LRBA: variants seen among roughly 807,000 people sequenced by gnomAD.
LRBA encodes LPS responsive beige-like anchor protein, also known as lipopolysaccharide-responsive and beige-like anchor protein.
In LRBA, 176 loss-of-function variants were observed where a neutral mutation model predicts 330.0. The ratio of observed to expected loss-of-function variants is 0.53; its 90% CI spans 0.47 to 0.60. The LOEUF is 0.60. Ranked by LOEUF, LRBA falls within the 20% of genes least tolerant of loss-of-function variation. The probability of loss-of-function intolerance (pLI) is 0.00; values close to 1 mark genes in which losing one functional copy is unlikely to be tolerated. For synonymous variants in LRBA, 1,230 were observed against 1,193.0 expected (o/e 1.03, Z -0.64); for missense variants, 3,259 against 3,444.8 (o/e 0.95, Z 1.35).
In LRBA at chr4:150,307,399, A is replaced by C. The variant is rs144497856; in HGVS notation, c.7849+2830T>G. Among the ~76,000 whole-genome samples, 1,253 of 152,212 alleles carry C rather than the reference A, an allele frequency of 8.2e-3. 15 individuals are homozygous for C. The highest frequency in any genetic ancestry group is 0.029 in the African/African-American group (1,191 of 41,534). ...AAAAAGAGTGGTTTACAGTTCTATT[A>C]GTTCTATATTACAGTGTAAAATTCA... On this transcript the variant is annotated intron_variant, in intron 52 of 56. Transcript: ENST00000651943.
At chr4:150,996,645 C>A (rs983424298) in intron 2 of LRBA, among the ~76,000 whole-genome samples, 3 of 152,162 alleles carry the variant, frequency 2.0e-5, no homozygotes, top group African/African-American at 4.8e-5. Context: ...AATTCATTTT[C>A]TCAAAGCTTA....
At position 150,739,984 on chromosome 4, in the gene LRBA, T is replaced by C. The variant is rs1000680224; in HGVS notation, c.5646-4618A>G. 2.0e-5 allele frequency among the ~76,000 whole-genome samples: 3 copies of C among 152,124 alleles called. No individual in the cohort carries two copies. In the East Asian group the frequency reaches 5.8e-4, roughly 29 times the overall value. On this transcript the variant is annotated intron_variant, in intron 35 of 56. Coordinates refer to ENST00000651943, the MANE Select transcript of LRBA (RefSeq NM_001364905.1). ...CCTAGGATTCCTGACCAAGAAAAAT[T>C]GAGATAACAAATGTATGTTTCTTTA...
In LRBA at chr4:150,908,427, A is replaced by G. The variant is rs776005355; in HGVS notation, c.1400T>C (p.Met467Thr). 1.2e-6 allele frequency: 2 copies of G among 1,608,554 alleles called. No individual in the cohort carries two copies. Among genetic ancestry groups the G allele is most frequent in the South Asian group, 1.1e-5 (1 of 89,120 alleles). ...TACTTGTACTCCTCCAATTGAATGCATTGCACTTTGGATGGAATGTGTTAA... is the reference window on the plus strand; with the variant it reads ...TACTTGTACTCCTCCAATTGAATGCGTTGCACTTTGGATGGAATGTGTTAA... ...AVLTHSIQSA[M>T]HSIGGVQVLF... The change falls in exon 11 of 57, where the codon ATG becomes ACG. Residue 467 changes from methionine (M) to threonine (T), a missense_variant. Transcript: ENST00000651943.
chr4:150,744,661 T>C (rs945525518), intron 35 of LRBA, among the ~76,000 whole-genome samples: 1 of 152,162 alleles, frequency 6.6e-6, no homozygotes, highest in Non-Finnish European at 1.5e-5. Flanking sequence ...TTTCATTATA[T>C]TTTAGTTGGG....
chr4:150,699,154 CGAGAAA>C (rs1784898093), intron 36 of LRBA, among the ~76,000 whole-genome samples: 1 of 152,072 alleles, frequency 6.6e-6, no homozygotes, highest in Non-Finnish European at 1.5e-5. Context: ...ATCCTGAACT[CGAGAAA>C]GAATCTGGTC....
At chr4:150,527,402 T>G (rs1763592161) in intron 40 of LRBA, among the ~76,000 whole-genome samples, 1 of 152,170 alleles carries the variant, frequency 6.6e-6, no homozygotes, top group African/African-American at 2.4e-5. Context: ...CAACCAAACT[T>G]GAGGGCAGAC....
At chr4:150,503,132 C>A (rs1760523354) in intron 40 of LRBA, among the ~76,000 whole-genome samples, 2 of 152,250 alleles carry the variant, frequency 1.3e-5, no homozygotes, top group African/African-American at 2.4e-5. Context: ...GGGGGCATGG[C>A]ACAGACAAAC....
chr4:150,334,686 T>C (rs371077415), intron 48 of LRBA, among the ~76,000 whole-genome samples: 19 of 152,144 alleles, frequency 1.2e-4, no homozygotes, highest in South Asian at 4.2e-4. Context: ...TTTATACCAA[T>C]TGATATCTTA....
intron 44 of LRBA, among the ~76,000 whole-genome samples, chr4:150,446,556 A>G (rs563562971): frequency 6.6e-5 from 10 of 152,328 alleles, no homozygotes; most frequent in African/African-American, 2.4e-4. Context: ...AAAAAGCCCA[A>G]TCCTGGCAAG....
chr4:150,592,221 A>G (rs1327809369), intron 38 of LRBA, among the ~76,000 whole-genome samples: 1 of 147,324 alleles, frequency 6.8e-6, no homozygotes, highest in Non-Finnish European at 1.5e-5. Flanking sequence ...CAGAAAGAAT[A>G]AAGCAGTCAA....
Position 150,852,941 on chromosome 4 carries a change from G to T in LRBA, c.2769C>A (p.Val923=), listed in dbSNP as rs761592670. The T allele has an allele frequency of 1.3e-6, 2 of 1,544,748 alleles. No individual in the cohort carries two copies. Among genetic ancestry groups the T allele is most frequent in the South Asian group, 1.3e-5 (1 of 78,166 alleles). ...GGTTTTCTTTGTGTATTTCAAAAGTGACCTAGGTGAAAAATGTACAATCAG... is the reference window on the plus strand; with the variant it reads ...GGTTTTCTTTGTGTATTTCAAAAGTTACCTAGGTGAAAAATGTACAATCAG... ...VDTLSITHSK[V]TFEIHKENLA... is the part of the protein sequence containing the mutation. The change falls in exon 23 of 57, where the codon GTC becomes GTA. Residue 923 remains valine (V), a splice_region_variant and synonymous_variant. Transcript: ENST00000651943.
chr4:150,999,035 T>C (rs1024223029), intron 2 of LRBA, among the ~76,000 whole-genome samples: 6 of 152,190 alleles, frequency 3.9e-5, no homozygotes, highest in Non-Finnish European at 7.3e-5. Flanking sequence ...TCCATCACTT[T>C]ACAAATGCCT....
chr4:150,456,719 C>T (rs780052755), intron 44 of LRBA, among the ~76,000 whole-genome samples: 3 of 152,066 alleles, frequency 2.0e-5, no homozygotes, highest in Non-Finnish European at 4.4e-5. Context: ...GTTGCCTGTG[C>T]TTATGGGGCA....
chr4:150,994,197 T>TCAC (rs1410316156), intron 2 of LRBA, among the ~76,000 whole-genome samples: 1 of 151,488 alleles, frequency 6.6e-6, no homozygotes, highest in Admixed American at 6.6e-5. Flanking sequence ...CCCACCACCA[T>TCAC]CACCACCACC....
chr4:150,554,266 A>G (rs1370005257), intron 40 of LRBA, among the ~76,000 whole-genome samples: 7 of 152,178 alleles, frequency 4.6e-5, no homozygotes. Flanking sequence ...AGATAGTTAA[A>G]TTAAACAGAG....
At chr4:150,814,798 G>A (rs1411370557) in intron 31 of LRBA, among the ~76,000 whole-genome samples, 1 of 151,934 alleles carries the variant, frequency 6.6e-6, no homozygotes, top group Non-Finnish European at 1.5e-5. Flanking sequence ...ATAGGGTTTT[G>A]TAGATTTTGC....
intron 17 of LRBA, among the ~76,000 whole-genome samples, chr4:150,891,207 C>T (rs1371977572): frequency 2.0e-5 from 3 of 152,096 alleles, no homozygotes; most frequent in Non-Finnish European, 4.4e-5. Flanking sequence ...ATGGTATATA[C>T]TCAAGATAAA....
intron 46 of LRBA, among the ~76,000 whole-genome samples, chr4:150,430,109 A>T (rs1391767418): frequency 6.6e-6 from 1 of 152,018 alleles, no homozygotes; most frequent in Non-Finnish European, 1.5e-5. Flanking sequence ...TCTCTCTCTC[A>T]TCTTACAAGA....
intron 47 of LRBA, among the ~76,000 whole-genome samples, chr4:150,375,037 G>A (rs1741037314): frequency 1.3e-5 from 2 of 151,798 alleles, no homozygotes; most frequent in South Asian, 4.2e-4. Context: ...AAACCTGCAG[G>A]CTTGTAACAA....
Sources: allele counts gnomAD v4.1 joint callset (sites outside exome capture counted in the v4.1 genomes callset), GRCh38; gene constraint gnomAD v4.1.1; transcripts MANE v1.5; gene names NCBI Gene and HGNC (gene_info 2026-07-23, HGNC 2026-07-21).